Variants in VAT1L observed in about 807,000 individuals in gnomAD.
VAT1L encodes the protein putative NADPH-dependent quinone oxidoreductase VAT1L.
A neutral mutation model predicts 44.1 loss-of-function variants in VAT1L; 34 were observed. The ratio of observed to expected loss-of-function variants is 0.77; its 90% CI spans 0.59 to 1.03. The LOEUF (loss-of-function observed/expected upper bound fraction) is 1.03. Among genes scored for constraint, VAT1L ranks in the 50% least tolerant of loss-of-function variants. VAT1L has a pLI of 0.00. For synonymous variants in VAT1L, 253 were observed against 202.2 expected (o/e 1.25, Z -2.13); for missense variants, 615 against 538.8 (o/e 1.14, Z -1.40).
chr16:77,975,108 A>G (rs1459224326), intron 8 of VAT1L, among the ~76,000 whole-genome samples: 1 of 148,610 alleles, frequency 6.7e-6, no homozygotes. Context: ...TCCAGGCTCC[A>G]CAGGATGTGT....
intron 1 of VAT1L, among the ~76,000 whole-genome samples, chr16:77,805,865 C>CTTTTTTTTTTTCTTTTTTTTTTTT: frequency 1.3e-5 from 1 of 78,838 alleles, no homozygotes; most frequent in Non-Finnish European, 2.8e-5. Flanking sequence ...TAGTCTCTGC[C>CTTTTTTTTTTTCTTTTTTTTTTTT]TTTTTTTTTT....
At chr16:77,854,262 G>A (rs1310530399) in intron 3 of VAT1L, among the ~76,000 whole-genome samples, 1 of 152,016 alleles carries the variant, frequency 6.6e-6, no homozygotes, top group Admixed American at 6.6e-5. Flanking sequence ...TGAAATTCTC[G>A]GCACCTGTGT....
intron 7 of VAT1L, among the ~76,000 whole-genome samples, chr16:77,963,172 C>T (rs1417350305): frequency 6.6e-6 from 1 of 152,156 alleles, no homozygotes; most frequent in Non-Finnish European, 1.5e-5. Context: ...ACCACGCAAA[C>T]GTGCCCACAT....
At chr16:77,920,787 A>C (rs1445726366) in intron 7 of VAT1L, among the ~76,000 whole-genome samples, 2 of 152,182 alleles carry the variant, frequency 1.3e-5, no homozygotes, top group South Asian at 2.1e-4. Context: ...AGGAGCAATA[A>C]ACTGTACCAT....
chr16:77,839,215 G>C (rs1335852163), intron 3 of VAT1L, among the ~76,000 whole-genome samples: 1 of 152,012 alleles, frequency 6.6e-6, no homozygotes, highest in South Asian at 2.1e-4. Context: ...GGGAATGAAG[G>C]GGGAAAGGAT....
At chr16:77,903,343 A>G (rs190013876) in intron 7 of VAT1L, among the ~76,000 whole-genome samples, 88 of 152,328 alleles carry the variant, frequency 5.8e-4, no homozygotes, top group African/African-American at 2.0e-3. Context: ...AGGCTTAAAA[A>G]TGCATTTGCT....
chr16:77,973,126 C>T (rs1230806202), intron 8 of VAT1L, among the ~76,000 whole-genome samples: 1 of 152,172 alleles, frequency 6.6e-6, no homozygotes, highest in African/African-American at 2.4e-5. Flanking sequence ...GGTCAGTGCA[C>T]AGACCATCCG....
chr16:77,948,672 A>G (rs532752861), intron 7 of VAT1L, among the ~76,000 whole-genome samples: 4 of 151,816 alleles, frequency 2.6e-5, no homozygotes, highest in African/African-American at 7.3e-5. Flanking sequence ...CTTTCTCACT[A>G]TTTTTCTGGA....
chr16:77,866,003 C>G (rs1391903730), intron 4 of VAT1L, among the ~76,000 whole-genome samples: 1 of 152,216 alleles, frequency 6.6e-6, no homozygotes, highest in African/African-American at 2.4e-5. Flanking sequence ...AGACCCACCT[C>G]ACCCTCACCT....
chr16:77,972,567 G>C (rs1046808473), intron 8 of VAT1L, among the ~76,000 whole-genome samples: 1 of 151,942 alleles, frequency 6.6e-6, no homozygotes, highest in Non-Finnish European at 1.5e-5. Context: ...GATCATCTGA[G>C]GTCAGGAGTT....
In VAT1L at chr16:77,798,473, A is replaced by G. The variant is rs766587917; in HGVS notation, c.233+9558A>G. Among the ~76,000 whole-genome samples, 62 of 152,320 alleles carry G rather than the reference A, an allele frequency of 4.1e-4. 1 individual carries two copies. The highest frequency in any genetic ancestry group is 3.4e-3 in the Middle Eastern group (1 of 294). On this transcript the variant is annotated intron_variant, in intron 1 of 8. Coordinates refer to ENST00000302536, the MANE Select transcript of VAT1L (RefSeq NM_020927.3). The stretch of plus-strand genomic sequence containing the variant: ...TTTTGTGTGGGGAAAGAAGAAGATA[A>G]TGCAGCTAAAGTGCCTAGCAAGGAT...
chr16:77,835,848 G>C (rs2016633470), intron 3 of VAT1L, among the ~76,000 whole-genome samples: 1 of 151,800 alleles, frequency 6.6e-6, no homozygotes, highest in Non-Finnish European at 1.5e-5. Context: ...ACTCCAGCCT[G>C]GGCAACAAGA....
intron 7 of VAT1L, among the ~76,000 whole-genome samples, chr16:77,913,910 G>A (rs1253281419): frequency 6.6e-6 from 1 of 152,152 alleles, no homozygotes; most frequent in Non-Finnish European, 1.5e-5. Context: ...GGATATGCAG[G>A]GCTCCCTCTT....
At position 77,825,294 on chromosome 16, in the gene VAT1L, G is replaced by T; in HGVS notation, c.412G>T (p.Val138Leu). Residue 138 changes from valine to leucine, a missense_variant, in exon 3 of 9, where the codon GTG (valine) becomes TTG (leucine). Coordinates refer to ENST00000302536, the MANE Select transcript of VAT1L (RefSeq NM_020927.3). ...AFVNYNAWAE[V>L]VCTPVEFVYK... Reference sequence around the variant, plus strand: ...TGTCAATTACAATGCCTGGGCAGAGGTGGTCTGCACACCAGTGGAGTTTGT... The same window carrying T: ...TGTCAATTACAATGCCTGGGCAGAGTTGGTCTGCACACCAGTGGAGTTTGT... The T allele has an allele frequency of 6.2e-7, 1 of 1,614,194 alleles. No homozygotes were observed. The highest frequency in any genetic ancestry group is 8.5e-7 in the Non-Finnish European group (1 of 1,180,046).
intron 3 of VAT1L, among the ~76,000 whole-genome samples, chr16:77,833,483 T>G (rs1448160385): frequency 2.0e-5 from 3 of 151,082 alleles, no homozygotes; most frequent in Non-Finnish European, 4.4e-5. Flanking sequence ...CTGGGCGTGG[T>G]GGCTTACGCC....
At chr16:77,952,084 A>C (rs1012546755) in intron 7 of VAT1L, among the ~76,000 whole-genome samples, 9 of 152,268 alleles carry the variant, frequency 5.9e-5, no homozygotes, top group Middle Eastern at 3.4e-3. Context: ...CTTCCCAGAG[A>C]CTGGGAGATA....
intron 7 of VAT1L, among the ~76,000 whole-genome samples, chr16:77,959,829 C>T (rs969594604): frequency 6.6e-6 from 1 of 152,198 alleles, no homozygotes; most frequent in East Asian, 1.9e-4. Flanking sequence ...GATTTGCAAC[C>T]ACATTCATGG....
At chr16:77,911,864 C>T (rs1295275969) in intron 7 of VAT1L, among the ~76,000 whole-genome samples, 1 of 152,184 alleles carries the variant, frequency 6.6e-6, no homozygotes, top group African/African-American at 2.4e-5. Flanking sequence ...CCTGGTCCTC[C>T]TGGGCTTGAT....
At chr16:77,852,525 C>T (rs2142434446) in intron 3 of VAT1L, among the ~76,000 whole-genome samples, 1 of 152,330 alleles carries the variant, frequency 6.6e-6, no homozygotes, top group Non-Finnish European at 1.5e-5. Flanking sequence ...AACCTCACCA[C>T]TTCCAGTTGC....
Sources: gnomAD v4.1 joint callset for allele counts (sites outside exome capture counted in the v4.1 genomes callset) on GRCh38, gnomAD v4.1.1 for gene constraint, MANE v1.5 for transcripts, NCBI Gene and HGNC (gene_info 2026-07-23, HGNC 2026-07-21) for gene names.